Variants in CAMK1D observed in about 807,000 individuals in gnomAD.
CAMK1D encodes calcium/calmodulin-dependent protein kinase type 1D.
A neutral mutation model predicts 47.7 loss-of-function variants in CAMK1D; 9 were observed. That is an observed-to-expected ratio of 0.19 (90% CI 0.11 to 0.33). CAMK1D has a LOEUF of 0.33. CAMK1D is among the 10% of genes least tolerant of loss of function. The pLI is 1.00. For synonymous variants in CAMK1D, 184 were observed against 184.9 expected, an observed-to-expected ratio of 0.99 and a Z score of 0.04; for missense variants, 291 against 488.7, an observed-to-expected ratio of 0.60 and a Z score of 3.81.
intron 2 of CAMK1D, among the ~76,000 whole-genome samples, chr10:12,615,655 G>A (rs1838770014): frequency 6.8e-6 from 1 of 147,580 alleles, no homozygotes; most frequent in Non-Finnish European, 1.5e-5. Context: ...ACAGGTATGT[G>A]TTTATTTGAA....
Position 12,480,403 on chromosome 10 carries a change from C to G in CAMK1D, c.93-72822C>G, listed in dbSNP as rs138178548. ...TGAGCCGAGATCGCGCCACTGCACT[C>G]CAGCTTGAGCGACAGAGCAAGACTC... On this transcript the variant is annotated intron_variant, in intron 1 of 10. Coordinates refer to ENST00000619168, the MANE Select transcript of CAMK1D (RefSeq NM_153498.4). Among the ~76,000 whole-genome samples, 416 of 152,164 alleles carry G rather than the reference C, an allele frequency of 2.7e-3. 2 individuals are homozygous for G. The highest frequency in any genetic ancestry group is 9.4e-3 in the African/African-American group (392 of 41,500).
intron 5 of CAMK1D, among the ~76,000 whole-genome samples, chr10:12,777,363 C>CTTTTTTT (rs869192068): frequency 1.1e-5 from 1 of 88,524 alleles, no homozygotes; most frequent in African/African-American, 4.3e-5. Flanking sequence ...TTTGGTTGAA[C>CTTTTTTT]TTTTTTTTTT....
intron 1 of CAMK1D, among the ~76,000 whole-genome samples, chr10:12,502,013 A>G (rs1315223925): frequency 6.6e-6 from 1 of 152,090 alleles, no homozygotes; most frequent in Non-Finnish European, 1.5e-5. Flanking sequence ...GCTGGGATAG[A>G]ACTGAGGCAG....
chr10:12,368,251 A>C (rs192177391), intron 1 of CAMK1D, among the ~76,000 whole-genome samples: 78 of 152,072 alleles, frequency 5.1e-4, no homozygotes, highest in Non-Finnish European at 1.0e-3. Context: ...ACAGTGGCTC[A>C]TGCCTGTACT....
chr10:12,462,261 G>T (rs1483268613), intron 1 of CAMK1D, among the ~76,000 whole-genome samples: 1 of 146,022 alleles, frequency 6.8e-6, no homozygotes, highest in Non-Finnish European at 1.5e-5. Context: ...CGCCTCCCAG[G>T]TTCAAGCAAT....
chr10:12,800,547 T>G (rs1271402192), intron 6 of CAMK1D, among the ~76,000 whole-genome samples: 1 of 152,146 alleles, frequency 6.6e-6, no homozygotes, highest in African/African-American at 2.4e-5. Flanking sequence ...ATGCCCAGAG[T>G]TGATTGATTT....
At chr10:12,371,899 T>A (rs1365988680) in intron 1 of CAMK1D, among the ~76,000 whole-genome samples, 1 of 152,014 alleles carries the variant, frequency 6.6e-6, no homozygotes, top group Non-Finnish European at 1.5e-5. Flanking sequence ...ACTCCTGACC[T>A]CAGGTGATCT....
At chr10:12,558,116 A>G (rs556038853) in intron 2 of CAMK1D, among the ~76,000 whole-genome samples, 2 of 152,326 alleles carry the variant, frequency 1.3e-5, no homozygotes, top group Admixed American at 6.5e-5. Flanking sequence ...GCTACTCTAG[A>G]TAGAACAGTT....
intron 1 of CAMK1D, among the ~76,000 whole-genome samples, chr10:12,372,563 G>A (rs1009665330): frequency 2.6e-5 from 4 of 152,222 alleles, no homozygotes; most frequent in African/African-American, 7.2e-5. Flanking sequence ...CAGGTGGTAG[G>A]TGATGTTAGC....
intron 2 of CAMK1D, among the ~76,000 whole-genome samples, chr10:12,644,426 C>T (rs1357478802): frequency 1.3e-5 from 2 of 152,194 alleles, no homozygotes; most frequent in East Asian, 3.8e-4. Flanking sequence ...GAACTCACAG[C>T]GTCTTAATGT....
At chr10:12,698,673 A>ATTTTCTTT (rs1833390450) in intron 3 of CAMK1D, among the ~76,000 whole-genome samples, 1 of 103,904 alleles carries the variant, frequency 9.6e-6, no homozygotes, top group Admixed American at 1.2e-4. Flanking sequence ...CCTTTAAAGA[A>ATTTTCTTT]TTTTTTTTTT....
At chr10:12,513,683 C>T (rs1411518744) in intron 1 of CAMK1D, among the ~76,000 whole-genome samples, 3 of 151,904 alleles carry the variant, frequency 2.0e-5, no homozygotes, top group South Asian at 4.2e-4. Context: ...CATCTGTAGC[C>T]CCAGCTACTC....
chr10:12,535,670 T>C (rs1835946596), intron 1 of CAMK1D, among the ~76,000 whole-genome samples: 1 of 152,192 alleles, frequency 6.6e-6, no homozygotes, highest in South Asian at 2.1e-4. Flanking sequence ...GAAAGATTAC[T>C]CAAATGTGGC....
At chr10:12,620,403 G>A (rs937248058) in intron 2 of CAMK1D, among the ~76,000 whole-genome samples, 8 of 152,210 alleles carry the variant, frequency 5.3e-5, no homozygotes, top group Non-Finnish European at 1.0e-4. Context: ...GTGAGTGATC[G>A]TTTCTCTGCA....
chr10:12,539,747 G>C (rs191865174), intron 1 of CAMK1D, among the ~76,000 whole-genome samples: 6 of 152,314 alleles, frequency 3.9e-5, no homozygotes, highest in East Asian at 3.9e-4. Context: ...ATGAACAAAG[G>C]GGGTATCCTG....
intron 1 of CAMK1D, among the ~76,000 whole-genome samples, chr10:12,430,212 C>G (rs1363500726): frequency 6.6e-6 from 1 of 152,144 alleles, no homozygotes; most frequent in Non-Finnish European, 1.5e-5. Flanking sequence ...TTGGATGGGA[C>G]CAAGCCCCTG....
chr10:12,750,682 AATGAATGAATG>A (rs2130873820), intron 3 of CAMK1D, among the ~76,000 whole-genome samples: 1 of 152,316 alleles, frequency 6.6e-6, no homozygotes, highest in Admixed American at 6.5e-5. Flanking sequence ...TGAATGAATG[AATGAATGAATG>A]ATGAATGAAT....
chr10:12,616,496 T>A (rs1838820989), intron 2 of CAMK1D, among the ~76,000 whole-genome samples: 1 of 117,972 alleles, frequency 8.5e-6, no homozygotes, highest in African/African-American at 2.7e-5. Context: ...AGTATCTTTT[T>A]GTTTGTTTGT....
intron 1 of CAMK1D, among the ~76,000 whole-genome samples, chr10:12,507,024 T>C (rs1182176650): frequency 1.3e-5 from 2 of 152,214 alleles, no homozygotes; most frequent in Non-Finnish European, 2.9e-5. Context: ...ACTGCACCAA[T>C]TAATAGAGGA....
Sources: allele counts gnomAD v4.1 joint callset (sites outside exome capture counted in the v4.1 genomes callset), GRCh38; gene constraint gnomAD v4.1.1; transcripts MANE v1.5; gene names NCBI Gene and HGNC (gene_info 2026-07-23, HGNC 2026-07-21).